Variants in LOXHD1 observed in about 807,000 individuals in gnomAD.
LOXHD1 encodes lipoxygenase homology domain-containing protein 1.
In LOXHD1, 205 loss-of-function variants were observed where a neutral mutation model predicts 248.2. The ratio of observed to expected loss-of-function variants is 0.83; its 90% CI spans 0.74 to 0.93. The LOEUF (loss-of-function observed/expected upper bound fraction) is 0.93, where lower values mean the gene tolerates loss of function less well. Ranked by LOEUF, LOXHD1 falls within the 40% of genes least tolerant of loss-of-function variation. The pLI is 0.00. For missense variants in LOXHD1, 2,930 were observed against 2,971.6 expected, an observed-to-expected ratio of 0.99 and a Z score of 0.33; for synonymous variants, 1,113 against 1,162.8, an observed-to-expected ratio of 0.96 and a Z score of 0.87.
chr18:46,618,344 T>C (rs1397895737), intron 4 of LOXHD1, 54 bp from the exon 5 acceptor site: 10 of 1,247,452 alleles, frequency 8.0e-6, no homozygotes, highest in African/African-American at 7.5e-5. Flanking sequence ...GAAAAGAGAA[T>C]AGAGGCCCCA....
Position 46,537,113 on chromosome 18 carries a change from C to A in LOXHD1, c.4095+1043G>T, listed in dbSNP as rs376789108. 1.2e-4 allele frequency among the ~76,000 whole-genome samples: 19 copies of A among 152,316 alleles called. No individual in the cohort carries two copies. The South Asian group carries it at 2.1e-3, about 17-fold the overall frequency. On this transcript the variant is annotated intron_variant, in intron 26 of 40. Coordinates refer to ENST00000642948, the MANE Select transcript of LOXHD1 (RefSeq NM_001384474.1). ...CCTTTCCTCCTTGTCCCTGCTAATG[C>A]CCCCTTTCAGATCCAACTCAAAGCC...
rs941810509 is a variant in LOXHD1 at position 46,656,985 on chromosome 18, C to T, written c.49G>A (p.Ala17Thr). Residue 17 changes from alanine (A) to threonine (T), a missense_variant, in exon 1 of 41, where the codon GCC becomes ACC. Physicochemically the swap from Ala to Thr is moderately conservative, Grantham distance 58. Transcript: ENST00000642948. Reference protein sequence around the residue: ...RRRKKDIDFLALYEAELLNYA... With the variant: ...RRRKKDIDFLTLYEAELLNYA... ...TTCAGCAGCTCCGCTTCGTACAGGG[C>T]CAGGAAGTCGATGTCCTTCTTCCTC... 27 of 1,551,560 alleles carry T rather than the reference C, an allele frequency of 1.7e-5. No individual in the cohort carries two copies. Among genetic ancestry groups the T allele is most frequent in the Non-Finnish European group, 2.1e-5 (24 of 1,146,962 alleles).
In LOXHD1 at chr18:46,639,467, TC is replaced by T. The variant is rs1210926920; in HGVS notation, c.511+148del. 6.5e-6 allele frequency: 6 copies of T among 923,596 alleles called. No individual in the cohort carries two copies. The Admixed American group carries it at 1.7e-4, about 27-fold the overall frequency. 57.2% of individuals were successfully genotyped at this position (923,596 alleles called of 1,614,324 possible). On this transcript the variant is annotated intron_variant, in intron 4 of 40. Transcript: ENST00000642948. The stretch of plus-strand genomic sequence containing the variant: ...GAAGACCCCAGGAAGATATGGGGCT[TC>T]CCCTTGGCCCTAACCAACAGGAAGG...
At chr18:46,513,045 G>A (rs1158252953) in intron 34 of LOXHD1, among the ~76,000 whole-genome samples, 3 of 152,140 alleles carry the variant, frequency 2.0e-5, no homozygotes, top group African/African-American at 7.2e-5. Context: ...ATAGCCCCAT[G>A]AGATGGAGAT....
At chr18:46,607,165 T>C (rs2038427284) in intron 6 of LOXHD1, among the ~76,000 whole-genome samples, 1 of 148,788 alleles carries the variant, frequency 6.7e-6, no homozygotes, top group South Asian at 2.1e-4. Flanking sequence ...TGACATTCTG[T>C]CTCAAAAAAA....
intron 37 of LOXHD1, among the ~76,000 whole-genome samples, chr18:46,492,548 CT>C (rs1328829569): frequency 1.9e-4 from 29 of 152,330 alleles, no homozygotes; most frequent in African/African-American, 6.5e-4. Context: ...TTATCTCCCC[CT>C]GGTCTCGCCT....
intron 21 of LOXHD1, among the ~76,000 whole-genome samples, chr18:46,554,112 G>A (rs1400472408): frequency 6.6e-6 from 1 of 152,208 alleles, no homozygotes; most frequent in Non-Finnish European, 1.5e-5. Flanking sequence ...GGCTGCTGTA[G>A]GCAATAGGAG....
At chr18:46,619,483 T>C (rs1172467156) in intron 4 of LOXHD1, among the ~76,000 whole-genome samples, 1 of 152,214 alleles carries the variant, frequency 6.6e-6, no homozygotes, top group Admixed American at 6.5e-5. Context: ...CAAGTATTTA[T>C]AGGAGGGCTG....
In LOXHD1 at chr18:46,601,332, T is replaced by G; in HGVS notation, c.1019A>C (p.Asp340Ala). Residue 340 changes from aspartate to alanine, a missense_variant, in exon 8 of 41, where the codon GAC becomes GCC. Asp to Ala is a moderately radical substitution (Grantham distance 126). Coordinates refer to ENST00000642948, the MANE Select transcript of LOXHD1 (RefSeq NM_001384474.1). Reference protein sequence around the residue: ...GKIFLEGGVFDRGRTDIFHIE... With the variant: ...GKIFLEGGVFARGRTDIFHIE... The stretch of plus-strand genomic sequence containing the variant: ...GTGGAAGATGTCCGTGCGGCCTCGG[T>G]CAAACACGCCGCCCTCCAGGAAGAT... The G allele has an allele frequency of 6.4e-7, 1 of 1,551,618 alleles. No homozygotes were observed. Among genetic ancestry groups the G allele is most frequent in the Non-Finnish European group, 8.7e-7 (1 of 1,146,972 alleles).
intron 21 of LOXHD1, among the ~76,000 whole-genome samples, chr18:46,555,591 T>C (rs769051839): frequency 7.9e-5 from 12 of 152,172 alleles, no homozygotes; most frequent in Non-Finnish European, 1.8e-4. Flanking sequence ...CAAATATTTG[T>C]TGATAGGGTG....
intron 29 of LOXHD1, among the ~76,000 whole-genome samples, chr18:46,528,480 T>C (rs1007796622): frequency 6.6e-6 from 1 of 152,146 alleles, no homozygotes; most frequent in Non-Finnish European, 1.5e-5. Flanking sequence ...GGAAGAGCCT[T>C]ACACATCACC....
chr18:46,569,599 G>C lies in LOXHD1; in HGVS notation c.2087C>G (p.Ser696Cys). The change falls in exon 16 of 41, where the codon TCT becomes TGT. Residue 696 changes from serine to cysteine, a missense_variant. Coordinates refer to ENST00000642948, the MANE Select transcript of LOXHD1 (RefSeq NM_001384474.1). Reference sequence around the variant, plus strand: ...GACTCTAGAATCCGTGCTGGCCCCAGAGACATCCCCAGTCTTCAAGCTGAT... The same window carrying C: ...GACTCTAGAATCCGTGCTGGCCCCACAGACATCCCCAGTCTTCAAGCTGAT... ...YHISLKTGDV[S>C]GASTDSRVYI... 6.4e-7 allele frequency: 1 copy of C among 1,551,704 alleles called. No individual in the cohort carries two copies. The highest frequency in any genetic ancestry group is 8.7e-7 in the Non-Finnish European group (1 of 1,146,960).
At chr18:46,478,868 A>T (rs996370376) in intron 40 of LOXHD1, among the ~76,000 whole-genome samples, 1 of 152,092 alleles carries the variant, frequency 6.6e-6, no homozygotes, top group East Asian at 1.9e-4. Flanking sequence ...AATTTAAAAA[A>T]ATATATTTTT....
At chr18:46,630,193 G>A (rs568856756) in intron 4 of LOXHD1, among the ~76,000 whole-genome samples, 2 of 152,198 alleles carry the variant, frequency 1.3e-5, no homozygotes, top group Admixed American at 1.3e-4. Flanking sequence ...GTTGTGCTGG[G>A]TTCTGACAGC....
At position 46,483,612 on chromosome 18, in the gene LOXHD1, T is replaced by C; in HGVS notation, c.6316A>G (p.Ile2106Val). ...ELAWHVKTIT[I>V]TEMEYGNVYF... is the part of the protein sequence containing the mutation. The stretch of plus-strand genomic sequence containing the variant: ...ACATTGCCGTACTCCATCTCGGTGA[T>C]GGTGATGGTCTTGACATGCCAGGCA... The change falls in exon 40 of 41, where the codon ATC (isoleucine) becomes GTC (valine). Residue 2106 changes from isoleucine to valine, a missense_variant. Coordinates refer to ENST00000642948, the MANE Select transcript of LOXHD1 (RefSeq NM_001384474.1). 2 of 1,551,640 alleles carry C rather than the reference T, an allele frequency of 1.3e-6. No individual in the cohort carries two copies. Among genetic ancestry groups the C allele is most frequent in the South Asian group, 2.4e-5 (2 of 84,040 alleles).
intron 38 of LOXHD1, among the ~76,000 whole-genome samples, chr18:46,487,709 C>A: frequency 6.6e-6 from 1 of 152,154 alleles, no homozygotes; most frequent in South Asian, 2.1e-4. Flanking sequence ...GAGCTGCGAG[C>A]AGCCACCTTC....
At chr18:46,606,097 CA>C (rs2038408926) in intron 6 of LOXHD1, among the ~76,000 whole-genome samples, 1 of 152,022 alleles carries the variant, frequency 6.6e-6, no homozygotes, top group Non-Finnish European at 1.5e-5. Flanking sequence ...TCTTTAAAGA[CA>C]GATAAGACTA....
At position 46,524,863 on chromosome 18, in the gene LOXHD1, G is replaced by T. The variant is rs1470032867; in HGVS notation, c.4585C>A (p.Leu1529Ile). 31 of 1,551,660 alleles carry T rather than the reference G, an allele frequency of 2.0e-5. No individual in the cohort carries two copies. In the Admixed American group the frequency reaches 6.1e-4, roughly 30 times the overall value. The change falls in exon 30 of 41, where the codon CTC becomes ATC. Residue 1529 changes from leucine (L) to isoleucine (I), a missense_variant. Leu to Ile is a conservative substitution (Grantham distance 5). Transcript: ENST00000642948. Reference sequence around the variant, plus strand: ...CACCACTTGGAGTTGTCATGGCGGAGCTTGATCTTGTAGATGACGCCTAGG... The same window carrying T: ...CACCACTTGGAGTTGTCATGGCGGATCTTGATCTTGTAGATGACGCCTAGG... ...ADLGVIYKIK[L>I]RHDNSKWCAD...
At chr18:46,589,471 C>A (rs1166911697) in intron 12 of LOXHD1, among the ~76,000 whole-genome samples, 2 of 152,188 alleles carry the variant, frequency 1.3e-5, no homozygotes, top group Non-Finnish European at 2.9e-5. Context: ...CACAGGTGAG[C>A]ACCAGGATGC....
Sources: gnomAD v4.1 joint callset for allele counts (sites outside exome capture counted in the v4.1 genomes callset) on GRCh38, gnomAD v4.1.1 for gene constraint, MANE v1.5 for transcripts, NCBI Gene and HGNC (gene_info 2026-07-23, HGNC 2026-07-21) for gene names.